FAM135A: variants seen among roughly 807,000 people sequenced by gnomAD.
The protein encoded by FAM135A is protein FAM135A.
FAM135A carries 79 observed loss-of-function variants against 146.8 expected under a neutral mutation model. The observed-to-expected ratio is 0.54, with a 90% CI of 0.45 to 0.65. The LOEUF (loss-of-function observed/expected upper bound fraction) is 0.65, where lower values mean the gene tolerates loss of function less well. Among genes scored for constraint, FAM135A ranks in the 30% least tolerant of loss-of-function variants. The pLI is 0.00. For synonymous variants in FAM135A, 562 were observed against 603.6 expected (o/e 0.93, Z 1.01); for missense variants, 1,623 against 1,758.2 (o/e 0.92, Z 1.38).
At chr6:70,435,944 G>A (rs960122000) in intron 4 of FAM135A, among the ~76,000 whole-genome samples, 2 of 152,116 alleles carry the variant, frequency 1.3e-5, no homozygotes, top group Non-Finnish European at 2.9e-5. Flanking sequence ...AGCACTTTGG[G>A]AGGCCGAAGC....
chr6:70,481,041 A>G lies in FAM135A; in HGVS notation c.669+14A>G. On this transcript the variant is annotated intron_variant, in intron 9 of 21. Coordinates refer to ENST00000418814, the MANE Select transcript of FAM135A (RefSeq NM_001162529.3). ...TTATCACCAGATGTAAGAACTGAAT[A>G]TGTTTATAAATCTTCTCCTTATTTT... The G allele has an allele frequency of 6.4e-7, 1 of 1,555,452 alleles. No homozygotes were observed. The highest frequency in any genetic ancestry group is 2.3e-5 in the East Asian group (1 of 42,834).
At chr6:70,421,387 CAT>C (rs1235973951) in intron 2 of FAM135A, among the ~76,000 whole-genome samples, 1 of 152,172 alleles carries the variant, frequency 6.6e-6, no homozygotes, top group Non-Finnish European at 1.5e-5. Context: ...TCAGTGGACA[CAT>C]GTTACAATGG....
intron 10 of FAM135A, among the ~76,000 whole-genome samples, chr6:70,484,048 A>G (rs1313392977): frequency 2.6e-5 from 4 of 152,218 alleles, no homozygotes; most frequent in Non-Finnish European, 5.9e-5. Flanking sequence ...AAGGATCTCT[A>G]GGAACAATAC....
rs774674931 is a variant in FAM135A at position 70,526,605 on chromosome 6, T to A, written c.3521T>A (p.Phe1174Tyr). 6.2e-7 allele frequency: 1 copy of A among 1,613,502 alleles called. No individual in the cohort carries two copies. Among genetic ancestry groups the A allele is most frequent in the Non-Finnish European group, 8.5e-7 (1 of 1,179,676 alleles). The change falls in exon 15 of 22, where the codon TTT (phenylalanine) becomes TAT (tyrosine). Residue 1174 changes from phenylalanine (F) to tyrosine (Y), a missense_variant. Phe to Tyr is a conservative substitution (Grantham distance 22, BLOSUM62 3). This residue lies in a region of FAM135A where 1,061 missense variants were observed against 1,113.8 expected (regional missense o/e 0.95). Coordinates refer to ENST00000418814, the MANE Select transcript of FAM135A (RefSeq NM_001162529.3). ...CNVKYSSKSKFDAITKQPSST... is the reference protein window; with the variant it reads ...CNVKYSSKSKYDAITKQPSST... Reference sequence around the variant, plus strand: ...GTTAAATATTCTTCCAAAAGTAAATTTGATGCCATTACAAAGCAGCCAAGC... The same window carrying A: ...GTTAAATATTCTTCCAAAAGTAAATATGATGCCATTACAAAGCAGCCAAGC...
intron 10 of FAM135A, 55 bp downstream of exon 10, chr6:70,482,209 T>TA: frequency 6.5e-7 from 1 of 1,543,292 alleles, no homozygotes; most frequent in Admixed American, 1.9e-5. Flanking sequence ...TCTTCAGTCT[T>TA]ATATTGCTAG....
chr6:70,537,778 A>G (rs562197018), intron 19 of FAM135A, among the ~76,000 whole-genome samples: 1 of 152,344 alleles, frequency 6.6e-6, no homozygotes, highest in Non-Finnish European at 1.5e-5. Context: ...TACTGATAAT[A>G]TAAAAAAATA....
At chr6:70,516,778 G>T (rs1041729621) in intron 12 of FAM135A, among the ~76,000 whole-genome samples, 1 of 151,772 alleles carries the variant, frequency 6.6e-6, no homozygotes, top group African/African-American at 2.4e-5. Context: ...CTTGTGATCC[G>T]CCCATCTCGG....
intron 5 of FAM135A, among the ~76,000 whole-genome samples, chr6:70,459,882 T>A (rs1205645981): frequency 6.6e-6 from 1 of 151,958 alleles, no homozygotes; most frequent in Non-Finnish European, 1.5e-5. Context: ...GCAAAAAAAA[T>A]TAGCCAGGCG....
intron 20 of FAM135A, 158 bp from the exon 21 acceptor site, chr6:70,556,592 A>G (rs1283117549): frequency 3.7e-6 from 2 of 537,530 alleles, no homozygotes; most frequent in Non-Finnish European, 6.5e-6. Flanking sequence ...TTTGTAGAGA[A>G]CATACAGAAA....
chr6:70,547,983 G>A (rs548239539), intron 20 of FAM135A, among the ~76,000 whole-genome samples: 3 of 152,262 alleles, frequency 2.0e-5, no homozygotes, highest in African/African-American at 7.2e-5. Flanking sequence ...AGTTAACTAC[G>A]TTGTCTTTGA....
chr6:70,475,751 T>TA lies in FAM135A; in HGVS notation c.368+24dup, dbSNP rs759197824. 5.7e-6 allele frequency: 9 copies of TA among 1,576,042 alleles called. No homozygotes were observed. The highest frequency in any genetic ancestry group is 7.8e-6 in the Non-Finnish European group (9 of 1,154,950). The stretch of plus-strand genomic sequence containing the variant: ...GATTATTCGTAAGTAGCTAATCAAT[T>TA]AAAAAACCTTTAGGCACTTATGACT... On this transcript the variant is annotated intron_variant, in intron 7 of 21. Transcript: ENST00000418814.
chr6:70,558,283 C>G (rs752823881), intron 21 of FAM135A, among the ~76,000 whole-genome samples: 1 of 152,182 alleles, frequency 6.6e-6, no homozygotes, highest in Non-Finnish European at 1.5e-5. Context: ...CTTTTCCCTT[C>G]TTGTCATTCC....
chr6:70,513,607 T>A (rs909503223), intron 12 of FAM135A, among the ~76,000 whole-genome samples: 1 of 152,006 alleles, frequency 6.6e-6, no homozygotes, highest in African/African-American at 2.4e-5. Context: ...AAGCATTTTA[T>A]ATTATCTGAT....
At chr6:70,447,474 G>T (rs891106442) in intron 4 of FAM135A, among the ~76,000 whole-genome samples, 1 of 152,180 alleles carries the variant, frequency 6.6e-6, no homozygotes, top group Admixed American at 6.5e-5. Flanking sequence ...TGTCGTCCCC[G>T]CTGGCAAGGG....
At chr6:70,447,245 AT>A (rs1173908495) in intron 4 of FAM135A, among the ~76,000 whole-genome samples, 3 of 152,116 alleles carry the variant, frequency 2.0e-5, no homozygotes, top group African/African-American at 7.2e-5. Flanking sequence ...TGCCTTGTTT[AT>A]TTGTGCTTCC....
chr6:70,513,010 G>T (rs1791387879), intron 12 of FAM135A, among the ~76,000 whole-genome samples: 1 of 150,742 alleles, frequency 6.6e-6, no homozygotes, highest in Admixed American at 6.6e-5. Flanking sequence ...TCAGGTTTTT[G>T]ACATCATTTA....
rs1315031594 is a variant in FAM135A at position 70,560,686 on chromosome 6, T to C, written c.*765T>C. 6.6e-6 allele frequency: 1 copy of C among 152,588 alleles called. No individual in the cohort carries two copies. Among genetic ancestry groups the C allele is most frequent in the Non-Finnish European group, 1.5e-5 (1 of 67,980 alleles). 9.5% of individuals were successfully genotyped at this position (152,588 alleles called of 1,614,324 possible). On this transcript the variant is annotated 3_prime_UTR_variant, in exon 22 of 22. Transcript: ENST00000418814. ...TGGAATTTTTGCTAAATTGGTAATG[T>C]TGCTTGAACTTTATGACTACATTTT...
At chr6:70,526,793 AC>A in intron 15 of FAM135A, 95 bp downstream of exon 15, 1 of 821,380 alleles carries the variant, frequency 1.2e-6, no homozygotes, top group Non-Finnish European at 1.8e-6. Context: ...ACACACACAC[AC>A]ACACACACAT....
chr6:70,480,693 C>CA (rs1216153941), intron 8 of FAM135A, among the ~76,000 whole-genome samples: 9 of 152,144 alleles, frequency 5.9e-5, no homozygotes, highest in African/African-American at 1.9e-4. Flanking sequence ...CAAGCAATGT[C>CA]AAACATCTAG....
Sources: allele counts gnomAD v4.1 joint callset (sites outside exome capture counted in the v4.1 genomes callset), GRCh38; gene constraint gnomAD v4.1.1; regional missense constraint gnomAD v4.1.1; transcripts MANE v1.5; gene names NCBI Gene and HGNC (gene_info 2026-07-23, HGNC 2026-07-21).